The following DIAPH1 variants were observed in gnomAD, a reference collection of about 807,000 sequenced individuals.
DIAPH1 encodes diaphanous related formin 1.
DIAPH1 carries 46 observed loss-of-function variants against 140.7 expected under a neutral mutation model. The ratio of observed to expected loss-of-function variants is 0.33; its 90% CI spans 0.26 to 0.42. The LOEUF is 0.42. Among genes scored for constraint, DIAPH1 ranks in the 10% least tolerant of loss-of-function variants. The pLI, the probability that DIAPH1 is intolerant of heterozygous loss-of-function variation, is 1.00. For missense variants in DIAPH1, 1,310 were observed against 1,558.7 expected (o/e 0.84, Z 2.69); for synonymous variants, 565 against 551.6 (o/e 1.02, Z -0.34).
chr5:141,529,945 G>A (rs931325688), intron 19 of DIAPH1, among the ~76,000 whole-genome samples: 1 of 152,092 alleles, frequency 6.6e-6, no homozygotes, highest in Non-Finnish European at 1.5e-5. Flanking sequence ...CTAGCCAGGC[G>A]TGGTGGTGTG....
At chr5:141,541,659 T>C (rs1258505883) in intron 18 of DIAPH1, among the ~76,000 whole-genome samples, 6 of 135,878 alleles carry the variant, frequency 4.4e-5, no homozygotes, top group Non-Finnish European at 7.6e-5. Flanking sequence ...CACTCCAGCC[T>C]GGGCAACAGA....
At position 141,534,444 on chromosome 5, in the gene DIAPH1, A is replaced by G. The variant is rs1196125611; in HGVS notation, c.2483-11T>C. On this transcript the variant is annotated splice_polypyrimidine_tract_variant and intron_variant, in intron 18 of 27. Transcript: ENST00000389054. ...CTTGATCCTTCTTGGCTAGCAGGGA[A>G]AAGATTAGAAAAGCATGATTAAAAG... 1 of 1,608,530 alleles carries G rather than the reference A, an allele frequency of 6.2e-7. No homozygotes were observed. Among genetic ancestry groups the G allele is most frequent in the East Asian group, 2.2e-5 (1 of 44,850 alleles).
At chr5:141,542,518 T>TA (rs772391521) in intron 18 of DIAPH1, among the ~76,000 whole-genome samples, 80 of 152,054 alleles carry the variant, frequency 5.3e-4, no homozygotes, top group Non-Finnish European at 9.6e-4. Flanking sequence ...TATTCTGCCA[T>TA]AAAAAGTAAT....
chr5:141,572,105 C>T (rs1272837425), intron 16 of DIAPH1, 65 bp from the exon 17 acceptor site: 9 of 1,158,940 alleles, frequency 7.8e-6, no homozygotes, highest in East Asian at 4.7e-5. Flanking sequence ...TCCTAGAAAA[C>T]GGATGAGGCT....
At position 141,518,992 on chromosome 5, in the gene DIAPH1, G is replaced by A. The variant is rs778982936; in HGVS notation, c.3662-1984C>T. On this transcript the variant is annotated intron_variant, in intron 27 of 27. Coordinates refer to ENST00000389054, the MANE Select transcript of DIAPH1 (RefSeq NM_005219.5). ...CCTCTACTTCCCAGGGGCACAAGAG[G>A]TTGTCTACCAAGAGGAGAAAGAATA... The A allele has an allele frequency of 1.2e-5, 19 of 1,550,650 alleles. No homozygotes were observed. In the South Asian group the frequency reaches 1.8e-4, roughly 15 times the overall value.
At chr5:141,537,510 G>C (rs1424729813) in intron 18 of DIAPH1, among the ~76,000 whole-genome samples, 6 of 123,466 alleles carry the variant, frequency 4.9e-5, no homozygotes, top group Non-Finnish European at 1.1e-4. Context: ...AAAAAAAAAA[G>C]GGATGAAAAT....
Position 141,588,242 on chromosome 5 carries a change from C to T in DIAPH1, c.126G>A (p.Lys42=). 1 of 1,612,378 alleles carries T rather than the reference C, an allele frequency of 6.2e-7. No individual in the cohort carries two copies. Among genetic ancestry groups the T allele is most frequent in the Non-Finnish European group, 8.5e-7 (1 of 1,178,612 alleles). Residue 42 remains lysine (K), a synonymous_variant, in exon 2 of 28, where the codon AAG becomes AAA. Coordinates refer to ENST00000389054, the MANE Select transcript of DIAPH1 (RefSeq NM_005219.5). ...TCCTTACCTCATCTGCCATGAGCCG[C>T]TTCAGAGTCTAGGAAACAGGAAAAA... ...DGGKSKKFTL[K]RLMADELERF... is the part of the protein sequence containing the mutation.
Position 141,596,483 on chromosome 5 carries a change from A to AAAAT in DIAPH1, c.118-8237_118-8234dup, listed in dbSNP as rs550056548. 6.5e-3 allele frequency among the ~76,000 whole-genome samples: 993 copies of AAAAT among 152,174 alleles called. 5 individuals are homozygous for AAAAT. The highest frequency in any genetic ancestry group is 0.012 in the Admixed American group (181 of 15,276). On this transcript the variant is annotated intron_variant, in intron 1 of 27. Coordinates refer to ENST00000389054, the MANE Select transcript of DIAPH1 (RefSeq NM_005219.5). ...GCTGACAACAGAGCAAGACAATCTCAAAATAAATAAATAAATAAATAAATA... is the reference window on the plus strand; with the variant it reads ...GCTGACAACAGAGCAAGACAATCTCAAAATAAATAAATAAATAAATAAATAAATA...
rs770345127 is a variant in DIAPH1, at chr5:141,576,217, CT to C, written c.1461+12del. On this transcript the variant is annotated intron_variant, in intron 14 of 27. Transcript: ENST00000389054. ...ATATACTCAAACACATGTCTTTGGTCTCTCATATGCACCTTCTTTTCCAGCT... is the reference window on the plus strand; with the variant it reads ...ATATACTCAAACACATGTCTTTGGTCCTCATATGCACCTTCTTTTCCAGCT... The C allele has an allele frequency of 2.5e-6, 4 of 1,596,796 alleles. No individual in the cohort carries two copies. The highest frequency in any genetic ancestry group is 2.2e-5 in the East Asian group (1 of 44,822).
chr5:141,568,902 G>C (rs751299551), intron 18 of DIAPH1, among the ~76,000 whole-genome samples: 1 of 152,028 alleles, frequency 6.6e-6, no homozygotes, highest in Non-Finnish European at 1.5e-5. Context: ...AATCACCTAA[G>C]CAGTGCTTCT....
At chr5:141,615,658 G>T (rs1014858281) in intron 1 of DIAPH1, among the ~76,000 whole-genome samples, 1 of 151,938 alleles carries the variant, frequency 6.6e-6, no homozygotes, top group African/African-American at 2.4e-5. Flanking sequence ...CAGAAGAATG[G>T]CATGAACCCG....
At chr5:141,561,524 G>C (rs556965518) in intron 18 of DIAPH1, among the ~76,000 whole-genome samples, 19 of 151,968 alleles carry the variant, frequency 1.3e-4, no homozygotes, top group Non-Finnish European at 2.4e-4. Flanking sequence ...AAGTGCTCTA[G>C]AATCTTCTCC....
At chr5:141,559,159 AGAGG>A (rs1341255513) in intron 18 of DIAPH1, among the ~76,000 whole-genome samples, 1 of 151,206 alleles carries the variant, frequency 6.6e-6, no homozygotes, top group Non-Finnish European at 1.5e-5. Context: ...GGAGACAGTA[AGAGG>A]GTCTTAATGT....
Position 141,528,961 on chromosome 5 carries a change from G to C in DIAPH1, c.2779-20C>G, listed in dbSNP as rs2099887801. 6.2e-7 allele frequency: 1 copy of C among 1,613,534 alleles called. No homozygotes were observed. ...GCCCATCTAGTAAAGAACACAAGCAGTTCCATTACAGTCAAAAGAGGGGGA... is the reference window on the plus strand; with the variant it reads ...GCCCATCTAGTAAAGAACACAAGCACTTCCATTACAGTCAAAAGAGGGGGA... On this transcript the variant is annotated intron_variant, in intron 21 of 27. Coordinates refer to ENST00000389054, the MANE Select transcript of DIAPH1 (RefSeq NM_005219.5).
At position 141,578,620 on chromosome 5, in the gene DIAPH1, T is replaced by A; in HGVS notation, c.939A>T (p.Gly313=). The A allele has an allele frequency of 6.2e-7, 1 of 1,612,664 alleles. No homozygotes were observed. The highest frequency in any genetic ancestry group is 8.5e-7 in the Non-Finnish European group (1 of 1,179,652). The change falls in exon 10 of 28, where the codon GGA becomes GGT. Residue 313 remains glycine (G), a synonymous_variant. Transcript: ENST00000389054. The stretch of plus-strand genomic sequence containing the variant: ...TGAGAGCATTGATCAGCTGTAGGCA[T>A]CCAACCTAAAATAAGAAAATTCAGC... ...KSGTTIALKV[G]CLQLINALIT... is the part of the protein sequence containing the mutation.
rs527779733 is a variant in DIAPH1, at chr5:141,515,032, T to C, written c.*1819A>G. On this transcript the variant is annotated 3_prime_UTR_variant, in exon 28 of 28. Transcript: ENST00000389054. Reference sequence around the variant, plus strand: ...AAGCTGTAAGGCAGTACTGTTTCAATGCTTTATTAACAGTTGGAAACAAAA... The same window carrying C: ...AAGCTGTAAGGCAGTACTGTTTCAACGCTTTATTAACAGTTGGAAACAAAA... 2.6e-5 allele frequency: 4 copies of C among 152,744 alleles called. No homozygotes were observed. The highest frequency in any genetic ancestry group is 1.9e-4 in the East Asian group (1 of 5,186). The allele number at this position is 152,744 out of a possible 1,614,324, so 9.5% of individuals were successfully genotyped here. A position where few individuals can be genotyped will look rare whatever the true frequency, so the allele number is the denominator to read the frequency against.
Position 141,576,307 on chromosome 5 carries a change from A to C in DIAPH1, c.1397-13T>G. ...TCAATCATTTGATCTGAAAAGAAGA[A>C]GAGTCAGTAAGTAAAGCTCCTAATT... On this transcript the variant is annotated splice_polypyrimidine_tract_variant and intron_variant, in intron 13 of 27. Transcript: ENST00000389054. 5 of 1,604,028 alleles carry C rather than the reference A, an allele frequency of 3.1e-6. No individual in the cohort carries two copies. Among genetic ancestry groups the C allele is most frequent in the Non-Finnish European group, 4.3e-6 (5 of 1,170,794 alleles).
In DIAPH1 at chr5:141,607,551, T is replaced by A. The variant is rs544160540; in HGVS notation, c.117+11247A>T. Among the ~76,000 whole-genome samples, 10 of 152,334 alleles carry A rather than the reference T, an allele frequency of 6.6e-5. No individual in the cohort carries two copies. In the East Asian group the frequency reaches 1.9e-3, roughly 29 times the overall value. ...ACATGGCCAAAAACGGACATCAACATGTATTACAACCTGTTACAAAATGTT... is the reference window on the plus strand; with the variant it reads ...ACATGGCCAAAAACGGACATCAACAAGTATTACAACCTGTTACAAAATGTT... On this transcript the variant is annotated intron_variant, in intron 1 of 27. Coordinates refer to ENST00000389054, the MANE Select transcript of DIAPH1 (RefSeq NM_005219.5).
chr5:141,580,804 A>G lies in DIAPH1; in HGVS notation c.764T>C (p.Met255Thr), dbSNP rs2099896640. ...AAGCAGCTTAGCTGCATCAATCATC[A>G]TGTTGGGAACAGCAGGATCCATGGC... ...VRAMDPAVPN[M>T]MIDAAKLLSA... Residue 255 changes from methionine (M) to threonine (T), a missense_variant, in exon 8 of 28, where the codon ATG becomes ACG. This residue lies in a region of DIAPH1 where 377 missense variants were observed against 497.1 expected (regional missense o/e 0.76). Transcript: ENST00000389054. 6.2e-7 allele frequency: 1 copy of G among 1,614,210 alleles called. No homozygotes were observed.
Sources: allele counts gnomAD v4.1 joint callset (sites outside exome capture counted in the v4.1 genomes callset), GRCh38; gene constraint gnomAD v4.1.1; regional missense constraint gnomAD v4.1.1; transcripts MANE v1.5; gene names NCBI Gene and HGNC (gene_info 2026-07-23, HGNC 2026-07-21).